The following GRIK4 variants were observed in gnomAD, a reference collection of about 807,000 sequenced individuals.
The protein encoded by GRIK4 is glutamate ionotropic receptor kainate type subunit 4.
In GRIK4, 40 loss-of-function variants were observed where a neutral mutation model predicts 104.9. The observed-to-expected ratio is 0.38, with a 90% CI of 0.30 to 0.50. The LOEUF is 0.50. GRIK4 is among the 20% of genes least tolerant of loss of function. The probability of loss-of-function intolerance (pLI) is 0.93; values close to 1 mark genes in which losing one functional copy is unlikely to be tolerated. For missense variants in GRIK4, 1,047 were observed against 1,308.1 expected, an observed-to-expected ratio of 0.80 and a Z score of 3.08; for synonymous variants, 485 against 524.9, an observed-to-expected ratio of 0.92 and a Z score of 1.04.
At chr11:120,741,957 T>G (rs1191225793) in intron 3 of GRIK4, among the ~76,000 whole-genome samples, 1 of 152,128 alleles carries the variant, frequency 6.6e-6, no homozygotes, top group East Asian at 1.9e-4. Context: ...TGCAGCAATA[T>G]GGGGACACAG....
intron 1 of GRIK4, among the ~76,000 whole-genome samples, chr11:120,639,085 A>C (rs1466456581): frequency 6.6e-6 from 1 of 151,956 alleles, no homozygotes; most frequent in African/African-American, 2.4e-5. Context: ...GTAATCGCCC[A>C]CTCAGGAGTG....
At chr11:120,863,310 A>T (rs1303075932) in intron 9 of GRIK4, among the ~76,000 whole-genome samples, 1 of 152,202 alleles carries the variant, frequency 6.6e-6, no homozygotes, top group Non-Finnish European at 1.5e-5. Flanking sequence ...TGTTGCTGTT[A>T]ACTACATTAT....
At chr11:120,848,161 C>T (rs754980649) in intron 8 of GRIK4, among the ~76,000 whole-genome samples, 10 of 152,154 alleles carry the variant, frequency 6.6e-5, no homozygotes, top group Non-Finnish European at 1.5e-4. Context: ...GATGGCTGGG[C>T]AGCCGTTGAG....
intron 3 of GRIK4, among the ~76,000 whole-genome samples, chr11:120,752,361 A>T (rs926566489): frequency 1.3e-5 from 2 of 152,220 alleles, no homozygotes; most frequent in Non-Finnish European, 2.9e-5. Flanking sequence ...AAGCCACGTC[A>T]GCAGAGCCCC....
chr11:120,954,082 G>C (rs918902325), intron 15 of GRIK4, among the ~76,000 whole-genome samples: 1 of 152,252 alleles, frequency 6.6e-6, no homozygotes, highest in East Asian at 1.9e-4. Context: ...CTGGATTGAT[G>C]GGGGCACTTG....
chr11:120,530,930 G>A (rs149382392), intron 1 of GRIK4, among the ~76,000 whole-genome samples: 149 of 152,244 alleles, frequency 9.8e-4, no homozygotes, highest in Non-Finnish European at 8.2e-4. Context: ...AGAAAATGCC[G>A]GTTCACAAAA....
At position 120,725,581 on chromosome 11, in the gene GRIK4, G is replaced by A. The variant is rs149457745; in HGVS notation, c.82+65181G>A. Among the ~76,000 whole-genome samples the A allele has an allele frequency of 4.2e-3, 640 of 152,310 alleles. 3 individuals carry two copies. The highest frequency in any genetic ancestry group is 7.1e-3 in the Non-Finnish European group (482 of 68,022). ...GGAGGGGCAAGGAAGCAGTCATGAG[G>A]AATGAGGGGTCTGGCATCTCATTGC... On this transcript the variant is annotated intron_variant, in intron 3 of 20. Coordinates refer to ENST00000527524, the MANE Select transcript of GRIK4 (RefSeq NM_014619.5).
At chr11:120,584,081 G>A (rs1169627325) in intron 1 of GRIK4, among the ~76,000 whole-genome samples, 2 of 152,226 alleles carry the variant, frequency 1.3e-5, no homozygotes, top group African/African-American at 4.8e-5. Flanking sequence ...AAACTTTGCT[G>A]AAGTTGTTTA....
At chr11:120,969,036 CATTCCATCA>C (rs1944430368) in intron 19 of GRIK4, among the ~76,000 whole-genome samples, 1 of 152,192 alleles carries the variant, frequency 6.6e-6, no homozygotes, top group Non-Finnish European at 1.5e-5. Context: ...CTCAGCTAGC[CATTCCATCA>C]ATAGGGATAT....
intron 11 of GRIK4, among the ~76,000 whole-genome samples, chr11:120,883,186 CG>C (rs1565414759): frequency 1.3e-5 from 2 of 152,130 alleles, no homozygotes; most frequent in South Asian, 4.1e-4. Flanking sequence ...CCCTGGGCCC[CG>C]GGGAGGTGTG....
In GRIK4 at chr11:120,557,886, C is replaced by T. The variant is rs371620067; in HGVS notation, c.-159+45999C>T. On this transcript the variant is annotated intron_variant, in intron 1 of 20. Transcript: ENST00000527524. ...AAAAAAAATTAGCTGGGCGCGGTGG[C>T]GGGCGCCTGTAGTCCCAGCTACTCG... Among the ~76,000 whole-genome samples, 12 of 152,014 alleles carry T rather than the reference C, an allele frequency of 7.9e-5. No individual in the cohort carries two copies. In the South Asian group the frequency reaches 8.3e-4, roughly 11 times the overall value.
At chr11:120,929,897 T>G (rs1943444879) in intron 13 of GRIK4, among the ~76,000 whole-genome samples, 1 of 152,138 alleles carries the variant, frequency 6.6e-6, no homozygotes, top group Admixed American at 6.5e-5. Flanking sequence ...AATCTGGTTC[T>G]AATGTTCCAG....
At chr11:120,553,914 A>G (rs895682903) in intron 1 of GRIK4, among the ~76,000 whole-genome samples, 5 of 152,204 alleles carry the variant, frequency 3.3e-5, no homozygotes, top group Admixed American at 6.5e-5. Context: ...CACAGTGTCA[A>G]GGTCAGGCTT....
chr11:120,633,762 G>A (rs1170350414), intron 1 of GRIK4, among the ~76,000 whole-genome samples: 1 of 152,168 alleles, frequency 6.6e-6, no homozygotes, highest in Non-Finnish European at 1.5e-5. Context: ...CTGTCTCCCT[G>A]CTGCTACTGT....
intron 14 of GRIK4, among the ~76,000 whole-genome samples, chr11:120,943,106 C>A (rs533070895): frequency 5.0e-5 from 3 of 60,592 alleles, no homozygotes; most frequent in East Asian, 1.4e-3. Flanking sequence ...CTGTCCCTCT[C>A]TACACACACA....
At chr11:120,879,158 T>C (rs1954896465) in intron 11 of GRIK4, among the ~76,000 whole-genome samples, 1 of 152,208 alleles carries the variant, frequency 6.6e-6, no homozygotes, top group Admixed American at 6.5e-5. Context: ...TGCTCAGGCT[T>C]GTCCAATGGC....
chr11:120,811,685 T>C (rs1952831995), intron 4 of GRIK4, among the ~76,000 whole-genome samples: 1 of 152,200 alleles, frequency 6.6e-6, no homozygotes, highest in Non-Finnish European at 1.5e-5. Flanking sequence ...GATATACATA[T>C]AATTTTATAT....
At chr11:120,754,236 A>G (rs1273129895) in intron 3 of GRIK4, among the ~76,000 whole-genome samples, 1 of 151,650 alleles carries the variant, frequency 6.6e-6, no homozygotes, top group East Asian at 1.9e-4. Flanking sequence ...CTGGTCTTGA[A>G]CTCTTGACCT....
intron 8 of GRIK4, among the ~76,000 whole-genome samples, chr11:120,856,553 G>A (rs1488169103): frequency 6.6e-6 from 1 of 152,218 alleles, no homozygotes; most frequent in Non-Finnish European, 1.5e-5. Flanking sequence ...TTGACTGGGT[G>A]TGGAGTTAAG....
Sources: allele counts gnomAD v4.1 joint callset (sites outside exome capture counted in the v4.1 genomes callset), GRCh38; gene constraint gnomAD v4.1.1; transcripts MANE v1.5; gene names NCBI Gene and HGNC (gene_info 2026-07-23, HGNC 2026-07-21).